Variants in DMD observed in about 807,000 individuals in gnomAD.
DMD encodes the protein dystrophin.
Under a neutral mutation model 330.1 loss-of-function variants are expected in DMD, and 63 were observed. The observed-to-expected ratio is 0.19, with a 90% CI of 0.16 to 0.24. DMD has a LOEUF of 0.24. Among genes scored for constraint, DMD ranks in the 10% least tolerant of loss-of-function variants. The pLI is 1.00. For synonymous variants in DMD, 1,223 were observed against 959.8 expected, an observed-to-expected ratio of 1.27 and a Z score of -5.07; for missense variants, 3,344 against 2,684.1, an observed-to-expected ratio of 1.25 and a Z score of -5.43.
chrX:32,949,162 C>T (rs1393254573), intron 2 of DMD, among the ~76,000 whole-genome samples: 1 of 109,488 alleles, frequency 9.1e-6, no homozygotes, highest in African/African-American at 3.3e-5. Context: ...TATTGTCTTG[C>T]TATGAAACCT....
intron 11 of DMD, among the ~76,000 whole-genome samples, chrX:32,629,146 GTCTATCTC>G (rs1015540439): frequency 9.0e-6 from 1 of 111,504 alleles, no homozygotes; most frequent in African/African-American, 3.3e-5. Context: ...CTGTTTTGGG[GTCTATCTC>G]TCTAACTCTA....
At chrX:32,469,401 T>A (rs2148465481) in intron 22 of DMD, among the ~76,000 whole-genome samples, 1 of 110,551 alleles carries the variant, frequency 9.0e-6, no homozygotes, top group East Asian at 2.9e-4. Context: ...TACTAGTACT[T>A]TATATAAATT....
intron 1 of DMD, among the ~76,000 whole-genome samples, chrX:33,113,231 A>G (rs937687719): frequency 3.7e-5 from 4 of 107,528 alleles, no homozygotes; most frequent in Non-Finnish European, 7.7e-5. Flanking sequence ...TTTTCTTTGT[A>G]TTTTTAGTAG....
At chrX:32,735,594 C>A (rs1245980713) in intron 7 of DMD, among the ~76,000 whole-genome samples, 123 of 110,720 alleles carry the variant, frequency 1.1e-3, no homozygotes, top group Admixed American at 1.7e-3. Context: ...CAGAACAGAG[C>A]CCTCAGAAAT....
chrX:32,647,748 G>GT (rs1373502069), intron 9 of DMD, among the ~76,000 whole-genome samples: 4 of 111,828 alleles, frequency 3.6e-5, no homozygotes, highest in Non-Finnish European at 7.5e-5. Context: ...ACTAAATAAA[G>GT]TATGTTACGG....
chrX:31,185,132 AATAAAG>A (rs948991875), intron 67 of DMD, among the ~76,000 whole-genome samples: 2 of 111,201 alleles, frequency 1.8e-5, no homozygotes, highest in African/African-American at 3.3e-5. Flanking sequence ...AAATAAAAAA[AATAAAG>A]ATAATCTATC....
chrX:33,046,804 A>C (rs1414641121), intron 1 of DMD, among the ~76,000 whole-genome samples: 1 of 112,524 alleles, frequency 8.9e-6, no homozygotes, highest in African/African-American at 3.2e-5. Context: ...CATTCAGTAC[A>C]GCAAAGTAAG....
intron 1 of DMD, among the ~76,000 whole-genome samples, chrX:33,281,749 T>C (rs1409222357): frequency 1.8e-5 from 2 of 108,983 alleles, no homozygotes; most frequent in Non-Finnish European, 3.8e-5. Context: ...GGTGCCATTC[T>C]ACTTTTATGG....
At chrX:31,752,341 G>A (rs768747996) in intron 51 of DMD, among the ~76,000 whole-genome samples, 33 of 111,041 alleles carry the variant, frequency 3.0e-4, no homozygotes, top group Admixed American at 3.8e-4. Flanking sequence ...ATACTTCTTC[G>A]GGTGGGTTCG....
chrX:31,616,875 G>C (rs888004859), intron 55 of DMD, among the ~76,000 whole-genome samples: 2 of 111,411 alleles, frequency 1.8e-5, no homozygotes, highest in African/African-American at 6.5e-5. Context: ...CCTTAAAAAT[G>C]AACTTGAAAG....
intron 49 of DMD, among the ~76,000 whole-genome samples, chrX:31,829,516 A>G (rs1480140418): frequency 5.4e-5 from 6 of 111,374 alleles, no homozygotes; most frequent in Non-Finnish European, 1.9e-5. Context: ...TTCTTGCCTC[A>G]TATTTTTTGG....
At chrX:31,266,982 A>AG (rs1246224804) in intron 62 of DMD, 12 of 919,622 alleles carry the variant, frequency 1.3e-5, no homozygotes, top group Middle Eastern at 8.1e-4. Context: ...CGGGCCGGGG[A>AG]GGGGGCGCTG....
At chrX:32,834,588 T>C (rs1275091560) in intron 4 of DMD, among the ~76,000 whole-genome samples, 1 of 111,594 alleles carries the variant, frequency 9.0e-6, no homozygotes, top group African/African-American at 3.2e-5. Context: ...AACATAGCTG[T>C]CATCTGAATT....
At chrX:32,252,921 G>T (rs1283659123) in intron 43 of DMD, among the ~76,000 whole-genome samples, 15 of 62,456 alleles carry the variant, frequency 2.4e-4, no homozygotes, top group East Asian at 1.4e-3. Context: ...AATATATATA[G>T]ATATATAAAT....
At chrX:33,039,502 T>C (rs1271797299) in intron 1 of DMD, among the ~76,000 whole-genome samples, 2 of 111,567 alleles carry the variant, frequency 1.8e-5, no homozygotes, top group African/African-American at 6.5e-5. Flanking sequence ...AAAATGCTTT[T>C]GAGTCACCTT....
rs778188709 is a variant in DMD, at chrX:32,155,816, T to C, written c.6438+61100A>G. 4.5e-5 allele frequency among the ~76,000 whole-genome samples: 5 copies of C among 111,910 alleles called. No individual in the cohort carries two copies. In the South Asian group the frequency reaches 1.9e-3, roughly 42 times the overall value. ...CATCTAGAACACAGTCAGCACTTGA[T>C]AAATATTTGGCTAAATATTAAATGC... On this transcript the variant is annotated intron_variant, in intron 44 of 78. Transcript: ENST00000357033.
intron 25 of DMD, among the ~76,000 whole-genome samples, chrX:32,462,780 A>G (rs190683047): frequency 6.3e-5 from 7 of 110,528 alleles, no homozygotes; most frequent in African/African-American, 1.3e-4. Context: ...ACACAGCAAG[A>G]CCCTGTCTCT....
intron 2 of DMD, among the ~76,000 whole-genome samples, chrX:32,880,922 C>CA (rs1363542526): frequency 8.9e-6 from 1 of 112,596 alleles, no homozygotes; most frequent in East Asian, 2.8e-4. Context: ...CCAGCCTGGG[C>CA]AACGACAGCA....
intron 43 of DMD, among the ~76,000 whole-genome samples, chrX:32,264,298 C>T (rs752937390): frequency 5.4e-5 from 6 of 111,700 alleles, no homozygotes; most frequent in Non-Finnish European, 1.1e-4. Context: ...CTGAGGCCTC[C>T]CCAGCCATGC....
Sources: gnomAD v4.1 joint callset for allele counts (sites outside exome capture counted in the v4.1 genomes callset) on GRCh38, gnomAD v4.1.1 for gene constraint, MANE v1.5 for transcripts, NCBI Gene and HGNC (gene_info 2026-07-23, HGNC 2026-07-21) for gene names.